The following NTF3 variants were observed in gnomAD, a reference collection of about 807,000 sequenced individuals.
NTF3 encodes the protein neurotrophin 3.
Under a neutral mutation model 26.3 loss-of-function variants are expected in NTF3, and 8 were observed. The ratio of observed to expected loss-of-function variants is 0.30; its 90% CI spans 0.18 to 0.55. The LOEUF (loss-of-function observed/expected upper bound fraction) is 0.55, where lower values mean the gene tolerates loss of function less well. Ranked by LOEUF, NTF3 falls within the 20% of genes least tolerant of loss-of-function variation. The pLI is 0.93. For synonymous variants in NTF3, 154 were observed against 145.5 expected (o/e 1.06, Z -0.42); for missense variants, 276 against 352.9 (o/e 0.78, Z 1.75).
intron 1 of NTF3, among the ~76,000 whole-genome samples, chr12:5,440,941 A>G (rs1240083038): frequency 6.6e-6 from 1 of 152,262 alleles, no homozygotes; most frequent in Non-Finnish European, 1.5e-5. Context: ...CAGATAAGTC[A>G]TTGAACATAC....
At chr12:5,480,389 T>C (rs539911391) in intron 1 of NTF3, among the ~76,000 whole-genome samples, 1 of 152,238 alleles carries the variant, frequency 6.6e-6, no homozygotes, top group East Asian at 1.9e-4. Context: ...AATAGAATGC[T>C]GTGTTGCCTT....
At chr12:5,457,709 A>C (rs959193233) in intron 1 of NTF3, among the ~76,000 whole-genome samples, 1 of 152,144 alleles carries the variant, frequency 6.6e-6, no homozygotes, top group African/African-American at 2.4e-5. Context: ...TCCTAAACTC[A>C]GTGTATGCTA....
chr12:5,483,897 G>T (rs1380174419), intron 1 of NTF3, among the ~76,000 whole-genome samples: 1 of 152,246 alleles, frequency 6.6e-6, no homozygotes, highest in Admixed American at 6.5e-5. Context: ...CCATGAGGAA[G>T]GTGGATGCCA....
rs924895495 is a variant in NTF3 at position 5,456,368 on chromosome 12, C to T, written c.18+24026C>T. On this transcript the variant is annotated intron_variant, in intron 1 of 1. Transcript: ENST00000423158. This position sits in a 1 kb window ranked among gnomAD's most constrained non-coding sequence, Gnocchi z 4.4. ...TAGCCTCCTTTTGTGATTTTTGCAG[C>T]GGCCTTTAGCTTCCTTTACTCACCC... is the stretch of plus-strand genomic sequence containing the variant. Among the ~76,000 whole-genome samples the T allele has an allele frequency of 1.3e-5, 2 of 152,104 alleles. No individual in the cohort carries two copies. The highest frequency in any genetic ancestry group is 2.4e-5 in the African/African-American group (1 of 41,410).
chr12:5,491,629 C>T (rs983703994), intron 1 of NTF3, among the ~76,000 whole-genome samples: 4 of 151,706 alleles, frequency 2.6e-5, no homozygotes, highest in Non-Finnish European at 5.9e-5. Flanking sequence ...GAGCAAGAGG[C>T]CTGTGAGCCC....
chr12:5,434,201 CTGCCTTG>C (rs1565382014), intron 1 of NTF3, among the ~76,000 whole-genome samples: 2 of 152,228 alleles, frequency 1.3e-5, no homozygotes, highest in East Asian at 3.9e-4. Context: ...CCAACCCCCT[CTGCCTTG>C]GGCGCAAACA....
chr12:5,448,265 G>A (rs1395197311), intron 1 of NTF3, among the ~76,000 whole-genome samples: 2 of 152,174 alleles, frequency 1.3e-5, no homozygotes, highest in African/African-American at 4.8e-5. Flanking sequence ...ATGTCTTTGA[G>A]ATTATTAAAT....
At chr12:5,442,491 G>T (rs1940251579) in intron 1 of NTF3, among the ~76,000 whole-genome samples, 2 of 152,118 alleles carry the variant, frequency 1.3e-5, no homozygotes, top group Admixed American at 6.5e-5. Context: ...GTGGCATGGT[G>T]GGGGTGAGTC....
At chr12:5,445,181 A>G (rs374433184) in intron 1 of NTF3, among the ~76,000 whole-genome samples, 1 of 152,190 alleles carries the variant, frequency 6.6e-6, no homozygotes, top group East Asian at 1.9e-4. Flanking sequence ...ACCTTTTCAT[A>G]GGCTCATCGT....
chr12:5,457,913 T>A (rs1185187623), intron 1 of NTF3, among the ~76,000 whole-genome samples: 1 of 152,198 alleles, frequency 6.6e-6, no homozygotes, highest in Non-Finnish European at 1.5e-5. Context: ...CTAACTCTCA[T>A]AATGCCTCTG....
chr12:5,486,928 C>T (rs970703685), intron 1 of NTF3, among the ~76,000 whole-genome samples: 1 of 151,302 alleles, frequency 6.6e-6, no homozygotes, highest in East Asian at 1.9e-4. Flanking sequence ...TGTAGGCACA[C>T]AAACCCATGC....
Position 5,494,883 on chromosome 12 carries a change from C to A in NTF3, c.708C>A (p.Tyr236Ter). 1 of 1,614,158 alleles carries A rather than the reference C, an allele frequency of 6.2e-7. No homozygotes were observed. Among genetic ancestry groups the A allele is most frequent in the Non-Finnish European group, 8.5e-7 (1 of 1,180,032 alleles). ...CTCAGTGCAAAACATCCCAAACCTA[C>A]GTCCGAGCACTGACTTCAGAGAACA... ...WNSQCKTSQT[Y>*]VRALTSENNK... The change falls in exon 2 of 2, where the codon TAC becomes TAA. Residue 236 changes from tyrosine (Y) to a stop codon, truncating the protein, a stop_gained. Transcript: ENST00000423158. LOFTEE classifies it high-confidence loss of function. The surrounding 1 kb of genome is among the most constrained non-coding windows in gnomAD (Gnocchi z 8.3).
intron 1 of NTF3, among the ~76,000 whole-genome samples, chr12:5,466,601 G>T (rs1283520961): frequency 6.6e-6 from 1 of 152,178 alleles, no homozygotes; most frequent in Non-Finnish European, 1.5e-5. Flanking sequence ...GGGATAAGAG[G>T]GGAAATGGGA....
intron 1 of NTF3, among the ~76,000 whole-genome samples, chr12:5,457,219 G>A (rs375044760): frequency 2.0e-5 from 3 of 152,136 alleles, no homozygotes; most frequent in Non-Finnish European, 4.4e-5. Flanking sequence ...AGGAAGTTTC[G>A]GGGTTCTGTG....
chr12:5,467,593 G>A lies in NTF3; in HGVS notation c.19-26601G>A, dbSNP rs1250631392. ...GCAGAAATTTTGAAAGATAAAACAG[G>A]TAGAAACTGTTATTTAATTGGAGGC... is the stretch of plus-strand genomic sequence containing the variant. On this transcript the variant is annotated intron_variant, in intron 1 of 1. Transcript: ENST00000423158. Among the ~76,000 whole-genome samples, 4 of 152,294 alleles carry A rather than the reference G, an allele frequency of 2.6e-5. No homozygotes were observed. In the East Asian group the frequency reaches 7.7e-4, roughly 29 times the overall value.
intron 1 of NTF3, among the ~76,000 whole-genome samples, chr12:5,455,872 A>C (rs1381836340): frequency 6.6e-6 from 1 of 152,180 alleles, no homozygotes; most frequent in Admixed American, 6.5e-5. Flanking sequence ...GAGAAGTGTC[A>C]GGAGTGAGGG....
At chr12:5,491,237 TTTGGGGAG>T (rs1940932428) in intron 1 of NTF3, among the ~76,000 whole-genome samples, 3 of 152,148 alleles carry the variant, frequency 2.0e-5, no homozygotes, top group Admixed American at 6.5e-5. Flanking sequence ...ACCTCTGTGT[TTTGGGGAG>T]TTCTGTTAGC....
At chr12:5,465,310 G>C (rs369775233) in intron 1 of NTF3, among the ~76,000 whole-genome samples, 177 of 152,346 alleles carry the variant, frequency 1.2e-3, no homozygotes, top group Middle Eastern at 6.8e-3. Context: ...TAGGGCAGCT[G>C]ACACACCTTT....
chr12:5,483,394 G>A (rs902961379), intron 1 of NTF3, among the ~76,000 whole-genome samples: 9 of 152,270 alleles, frequency 5.9e-5, no homozygotes, highest in African/African-American at 1.7e-4. Context: ...TTCCAGCCCC[G>A]AGTAGTTGGT....
Sources: allele counts gnomAD v4.1 joint callset (sites outside exome capture counted in the v4.1 genomes callset), GRCh38; gene constraint gnomAD v4.1.1; non-coding constraint Gnocchi (gnomAD v3.1); transcripts MANE v1.5; gene names NCBI Gene and HGNC (gene_info 2026-07-23, HGNC 2026-07-21).